Variants in CFAP74 observed in about 807,000 individuals in gnomAD.
The protein encoded by CFAP74 is cilia- and flagella-associated protein 74.
In CFAP74, 124 loss-of-function variants were observed where a neutral mutation model predicts 188.9. The ratio of observed to expected loss-of-function variants is 0.66; its 90% CI spans 0.57 to 0.76. The LOEUF (loss-of-function observed/expected upper bound fraction) is 0.76, where lower values mean the gene tolerates loss of function less well. Ranked by LOEUF, CFAP74 falls within the 30% of genes least tolerant of loss-of-function variation. The pLI is 0.00. For synonymous variants in CFAP74, 956 were observed against 916.7 expected (o/e 1.04, Z -0.77); for missense variants, 2,198 against 2,165.2 (o/e 1.02, Z -0.30).
intron 30 of CFAP74, 38 bp downstream of exon 30, chr1:1,926,614 C>G: frequency 6.5e-7 from 1 of 1,546,212 alleles, no homozygotes; most frequent in Non-Finnish European, 8.7e-7. Context: ...TGTGCCTGGG[C>G]ACCGGGGTGG....
At position 1,966,353 on chromosome 1, in the gene CFAP74, A is replaced by G; in HGVS notation, c.1401+18T>C. 2 of 1,489,558 alleles carry G rather than the reference A, an allele frequency of 1.3e-6. No homozygotes were observed. The highest frequency in any genetic ancestry group is 2.6e-5 in the South Asian group (2 of 76,136). 92.3% of individuals were successfully genotyped at this position (1,489,558 alleles called of 1,614,324 possible). The stretch of plus-strand genomic sequence containing the variant: ...CCGGGGTCCGTCTGCAAGCGTCTAA[A>G]GGAGCAGGAGCTGATACCTGGTATG... On this transcript the variant is annotated intron_variant, in intron 12 of 38. Transcript: ENST00000682832.
intron 14 of CFAP74, 106 bp from the exon 15 acceptor site, chr1:1,960,136 TC>T: frequency 1.0e-6 from 1 of 954,642 alleles, no homozygotes; most frequent in South Asian, 1.5e-5. Context: ...CTCCTCCCCA[TC>T]CCGGGCCTGG....
At chr1:2,000,602 C>T (rs954927578) in intron 1 of CFAP74, among the ~76,000 whole-genome samples, 1 of 152,246 alleles carries the variant, frequency 6.6e-6, no homozygotes, top group African/African-American at 2.4e-5. Context: ...CCTCTGAAGG[C>T]ACGAGGGAAG....
At chr1:1,927,068 C>A (rs987005079) in intron 28 of CFAP74, 40 bp from the exon 29 acceptor site, 1 of 1,549,080 alleles carries the variant, frequency 6.5e-7, no homozygotes, top group Non-Finnish European at 8.7e-7. Flanking sequence ...GCCTTGCCCC[C>A]ACCCACCATC....
At chr1:1,993,445 C>T (rs925992363) in intron 1 of CFAP74, among the ~76,000 whole-genome samples, 6 of 151,440 alleles carry the variant, frequency 4.0e-5, no homozygotes, top group Admixed American at 2.0e-4. Context: ...ACCACCACAC[C>T]CAACTGATTT....
Position 1,982,985 on chromosome 1 carries a change from C to T in CFAP74, c.500+2401G>A, listed in dbSNP as rs147698873. On this transcript the variant is annotated intron_variant, in intron 6 of 38. Transcript: ENST00000682832. Reference sequence around the variant, plus strand: ...GGGAACCTGAGCCTCTCACTGTGCCCGAAAACGCCCACAGAGCGGCAGACA... The same window carrying T: ...GGGAACCTGAGCCTCTCACTGTGCCTGAAAACGCCCACAGAGCGGCAGACA... Among the ~76,000 whole-genome samples, 21 of 152,304 alleles carry T rather than the reference C, an allele frequency of 1.4e-4. No individual in the cohort carries two copies. In the East Asian group the frequency reaches 3.9e-3, roughly 28 times the overall value.
At chr1:1,989,316 C>T (rs904491250) in intron 2 of CFAP74, among the ~76,000 whole-genome samples, 4 of 152,236 alleles carry the variant, frequency 2.6e-5, no homozygotes, top group Non-Finnish European at 4.4e-5. Context: ...TGGGAGCCGC[C>T]GGACTAACCA....
chr1:1,985,574 C>T, intron 5 of CFAP74, 84 bp from the exon 6 acceptor site: 25 of 1,065,260 alleles, frequency 2.3e-5, no homozygotes, highest in Non-Finnish European at 3.4e-5. Context: ...ACTCCCTGGC[C>T]TCCTCTCGCT....
At chr1:1,922,761 C>T (rs1189328256) in intron 37 of CFAP74, 38 bp from the exon 38 acceptor site, 1 of 1,588,476 alleles carries the variant, frequency 6.3e-7, no homozygotes, top group Non-Finnish European at 8.5e-7. Flanking sequence ...GGCGACCAGG[C>T]ACCGCTCCCA....
At chr1:1,940,984 G>T (rs1653330775) in intron 22 of CFAP74, among the ~76,000 whole-genome samples, 2 of 152,000 alleles carry the variant, frequency 1.3e-5, no homozygotes, top group South Asian at 4.1e-4. Flanking sequence ...GTGGTGGCGG[G>T]CGCCTGTAGT....
intron 14 of CFAP74, among the ~76,000 whole-genome samples, chr1:1,962,627 G>C (rs1360380674): frequency 6.6e-6 from 1 of 152,150 alleles, no homozygotes; most frequent in Non-Finnish European, 1.5e-5. Flanking sequence ...GCTCACACCT[G>C]TAATCCCAGC....
At position 1,942,597 on chromosome 1, in the gene CFAP74, C is replaced by T. The variant is rs1437530371; in HGVS notation, c.2487-441G>A. Among the ~76,000 whole-genome samples the T allele has an allele frequency of 6.6e-6, 1 of 152,070 alleles. No individual in the cohort carries two copies. Among genetic ancestry groups the T allele is most frequent in the Admixed American group, 6.5e-5 (1 of 15,280 alleles). ...GCACGTGGGGGGCCTGGGACGGCCA[C>T]AGGCCTCGGTTATGACAGCAGCCTC... On this transcript the variant is annotated intron_variant, in intron 21 of 38. Coordinates refer to ENST00000682832, the MANE Select transcript of CFAP74 (RefSeq NM_001304360.2). The surrounding 1 kb of genome is among the most constrained non-coding windows in gnomAD (Gnocchi z 4.3).
At position 2,002,773 on chromosome 1, in the gene CFAP74, TTTATA is replaced by T. The variant is rs1437288235; in HGVS notation, c.-20+923_-20+927del. ...TGTGGCATTATATATAGTCTATATA[TTTATA>T]TTATATATTGTTTATATAACACCAC... is the stretch of plus-strand genomic sequence containing the variant. On this transcript the variant is annotated intron_variant, in intron 1 of 38. Transcript: ENST00000682832. 3.3e-5 allele frequency among the ~76,000 whole-genome samples: 5 copies of T among 150,084 alleles called. No individual in the cohort carries two copies. In the East Asian group the frequency reaches 9.7e-4, roughly 29 times the overall value.
chr1:2,002,732 C>T (rs1263943454), intron 1 of CFAP74, among the ~76,000 whole-genome samples: 1 of 149,552 alleles, frequency 6.7e-6, no homozygotes, highest in African/African-American at 2.4e-5. Flanking sequence ...TATTATTAAA[C>T]TTACATAAAA....
At chr1:1,995,790 C>T (rs986509058) in intron 1 of CFAP74, among the ~76,000 whole-genome samples, 1 of 151,150 alleles carries the variant, frequency 6.6e-6, no homozygotes, top group Non-Finnish European at 1.5e-5. Context: ...CACCTGTAGT[C>T]CCAGCTACTC....
chr1:1,951,988 G>C (rs1216515336), intron 18 of CFAP74, among the ~76,000 whole-genome samples: 1 of 152,198 alleles, frequency 6.6e-6, no homozygotes, highest in Non-Finnish European at 1.5e-5. Context: ...GCACAGCTTT[G>C]GCTCAGCACG....
chr1:1,988,924 C>T lies in CFAP74; in HGVS notation c.117G>A (p.Gln39=), dbSNP rs1275792679. 2.5e-6 allele frequency: 4 copies of T among 1,590,750 alleles called. No homozygotes were observed. Among genetic ancestry groups the T allele is most frequent in the Non-Finnish European group, 3.4e-6 (4 of 1,169,466 alleles). ...DPEFDIKCLL[Q]EAEDDVDPGH... ...CCGGGTCCACGTCATCCTCAGCTTC[C>T]TGTAGAAGACATTTGATGTCAAACT... is the stretch of plus-strand genomic sequence containing the variant. Residue 39 remains glutamine, a synonymous_variant, in exon 3 of 39, where the codon CAG becomes CAA. Coordinates refer to ENST00000682832, the MANE Select transcript of CFAP74 (RefSeq NM_001304360.2).
chr1:1,948,942 T>C lies in CFAP74; in HGVS notation c.2177-1888A>G, dbSNP rs74824345. Among the ~76,000 whole-genome samples, 29 of 34,396 alleles carry C rather than the reference T, an allele frequency of 8.4e-4. 4 individuals are homozygous for C. The highest frequency in any genetic ancestry group is 3.5e-3 in the Admixed American group (8 of 2,268). The allele number at this position is 34,396 out of a possible 152,430, so 22.6% of individuals were successfully genotyped here. A position where few individuals can be genotyped will look rare whatever the true frequency, so the allele number is the denominator to read the frequency against. On this transcript the variant is annotated intron_variant, in intron 18 of 38. Transcript: ENST00000682832. ...TTTCCTTCCTTCCTCTTTCCTCCCT[T>C]CCTTTCCCTCCCTTACTCCCTTCCT...
chr1:1,952,663 ATT>A (rs576484834), intron 18 of CFAP74, among the ~76,000 whole-genome samples: 1 of 147,774 alleles, frequency 6.8e-6, no homozygotes, highest in Admixed American at 6.7e-5. Context: ...ACAAGACTCA[ATT>A]TTTTTTTTTT....
Sources: allele counts gnomAD v4.1 joint callset (sites outside exome capture counted in the v4.1 genomes callset), GRCh38; gene constraint gnomAD v4.1.1; non-coding constraint Gnocchi (gnomAD v3.1); transcripts MANE v1.5; gene names NCBI Gene and HGNC (gene_info 2026-07-23, HGNC 2026-07-21).